LRRN3: variants seen among roughly 807,000 people sequenced by gnomAD.
The protein encoded by LRRN3 is leucine rich repeat neuronal 3, also known as leucine-rich repeat neuronal protein 3.
A neutral mutation model predicts 40.1 loss-of-function variants in LRRN3; 15 were observed. The observed-to-expected ratio is 0.37, with a 90% CI of 0.25 to 0.58. The LOEUF (loss-of-function observed/expected upper bound fraction) is 0.58, where lower values mean the gene tolerates loss of function less well. Ranked by LOEUF, LRRN3 falls within the 20% of genes least tolerant of loss-of-function variation. The probability of loss-of-function intolerance (pLI) is 0.72; values close to 1 mark genes in which losing one functional copy is unlikely to be tolerated. For missense variants in LRRN3, 746 were observed against 837.7 expected (o/e 0.89, Z 1.35); for synonymous variants, 308 against 297.2 (o/e 1.04, Z -0.37).
chr7:111,122,764 A>G lies in LRRN3; in HGVS notation c.-9A>G, dbSNP rs1318353655. 2 of 1,603,678 alleles carry G rather than the reference A, an allele frequency of 1.2e-6. No individual in the cohort carries two copies. Among genetic ancestry groups the G allele is most frequent in the Admixed American group, 3.4e-5 (2 of 58,972 alleles). On this transcript the variant is annotated 5_prime_UTR_variant, in exon 3 of 3. Coordinates refer to ENST00000308478, the MANE Select transcript of LRRN3 (RefSeq NM_001099658.2). Reference sequence around the variant, plus strand: ...AGGGCCCATTACATTTCTGAAGAAGAAAGCTAAGATGAAGGACATGCCACT... The same window carrying G: ...AGGGCCCATTACATTTCTGAAGAAGGAAGCTAAGATGAAGGACATGCCACT...
chr7:111,112,419 T>G (rs1458964655), intron 2 of LRRN3, among the ~76,000 whole-genome samples: 1 of 152,168 alleles, frequency 6.6e-6, no homozygotes, highest in African/African-American at 2.4e-5. Context: ...TATTAACCAT[T>G]TAACACGAGT....
intron 2 of LRRN3, among the ~76,000 whole-genome samples, chr7:111,108,168 A>T (rs1403870260): frequency 6.6e-6 from 1 of 152,272 alleles, no homozygotes; most frequent in South Asian, 2.1e-4. Flanking sequence ...TTGTTGATGT[A>T]TTCCATTTGA....
chr7:111,115,034 T>C (rs1799709056), intron 2 of LRRN3, among the ~76,000 whole-genome samples: 1 of 152,092 alleles, frequency 6.6e-6, no homozygotes, highest in African/African-American at 2.4e-5. Flanking sequence ...ACAAGATGAT[T>C]ATACTTCAAT....
At chr7:111,091,962 C>T (rs556247193) in intron 1 of LRRN3, among the ~76,000 whole-genome samples, 29 of 152,242 alleles carry the variant, frequency 1.9e-4, no homozygotes, top group African/African-American at 6.7e-4. Flanking sequence ...AAGCAGATCA[C>T]ACATTATTCT....
chr7:111,124,817 A>G lies in LRRN3; in HGVS notation c.2045A>G (p.Asn682Ser), dbSNP rs1246337990. Residue 682 changes from asparagine to serine, a missense_variant, in exon 3 of 3, where the codon AAT (asparagine) becomes AGT (serine). By Grantham distance (46) the Asn-to-Ser change is conservative (BLOSUM62 1). Transcript: ENST00000308478. Reference sequence around the variant, plus strand: ...GGTGAGCTTTATCCTCCTCTGATAAATCTCTGGGAAGCAGGAAAAGAAAAA... The same window carrying G: ...GGTGAGCTTTATCCTCCTCTGATAAGTCTCTGGGAAGCAGGAAAAGAAAAA... ...ALGELYPPLI[N>S]LWEAGKEKST... is the part of the protein sequence containing the mutation. The G allele has an allele frequency of 6.2e-7, 1 of 1,613,226 alleles. No individual in the cohort carries two copies. Among genetic ancestry groups the G allele is most frequent in the Admixed American group, 1.7e-5 (1 of 59,932 alleles).
chr7:111,095,520 ACGAT>A (rs1196904809), intron 1 of LRRN3, among the ~76,000 whole-genome samples: 14 of 152,064 alleles, frequency 9.2e-5, no homozygotes, highest in Non-Finnish European at 1.9e-4. Flanking sequence ...AATAGAAGCA[ACGAT>A]TTATTAAGTA....
At chr7:111,111,410 CA>C (rs1478043099) in intron 2 of LRRN3, among the ~76,000 whole-genome samples, 9 of 148,586 alleles carry the variant, frequency 6.1e-5, no homozygotes, top group South Asian at 4.3e-4. Flanking sequence ...CATCCCCCCC[CA>C]AAAAAAAATG....
intron 2 of LRRN3, among the ~76,000 whole-genome samples, chr7:111,112,700 T>C (rs1461662084): frequency 6.6e-6 from 1 of 152,218 alleles, no homozygotes; most frequent in Non-Finnish European, 1.5e-5. Flanking sequence ...GAGGGAAATC[T>C]GACACACTTT....
At chr7:111,110,217 T>C (rs1250848998) in intron 2 of LRRN3, among the ~76,000 whole-genome samples, 2 of 152,192 alleles carry the variant, frequency 1.3e-5, no homozygotes, top group African/African-American at 2.4e-5. Context: ...TGTTCATGGA[T>C]ATTAGACATG....
intron 1 of LRRN3, among the ~76,000 whole-genome samples, chr7:111,099,488 G>A (rs553958713): frequency 8.6e-5 from 13 of 151,772 alleles, no homozygotes; most frequent in African/African-American, 3.1e-4. Flanking sequence ...TTTAGTAGAA[G>A]CGTTCTATAT....
At position 111,124,988 on chromosome 7, in the gene LRRN3, A is replaced by AACAC. The variant is rs1801141947; in HGVS notation, c.*92_*93insCACA. 2 of 946,844 alleles carry AACAC rather than the reference A, an allele frequency of 2.1e-6. No homozygotes were observed. Among genetic ancestry groups the AACAC allele is most frequent in the East Asian group, 5.4e-5 (2 of 37,248 alleles). The allele number at this position is 946,844 out of a possible 1,614,324, so 58.7% of individuals were successfully genotyped here. A position where few individuals can be genotyped will look rare whatever the true frequency, so the allele number is the denominator to read the frequency against. On this transcript the variant is annotated 3_prime_UTR_variant, in exon 3 of 3. Transcript: ENST00000308478. Reference sequence around the variant, plus strand: ...TGCTAAAAACAAAACAAAACAAACAAACAAACAAAAAAGTAAAAAAAGATT... The same window carrying AACAC: ...TGCTAAAAACAAAACAAAACAAACAAACACACAAACAAAAAAGTAAAAAAAGATT...
chr7:111,108,872 TATTC>T (rs1020308466), intron 2 of LRRN3, among the ~76,000 whole-genome samples: 4 of 152,276 alleles, frequency 2.6e-5, no homozygotes, highest in African/African-American at 7.2e-5. Context: ...AAGCAACTGA[TATTC>T]ATTCATTCAT....
intron 2 of LRRN3, among the ~76,000 whole-genome samples, chr7:111,101,790 G>A (rs1202818374): frequency 6.6e-6 from 1 of 151,410 alleles, no homozygotes; most frequent in Non-Finnish European, 1.5e-5. Flanking sequence ...CAGTTAATAT[G>A]TAATAATGTA....
intron 1 of LRRN3, among the ~76,000 whole-genome samples, chr7:111,098,497 T>C (rs1395155926): frequency 1.3e-5 from 2 of 151,804 alleles, no homozygotes; most frequent in African/African-American, 2.4e-5. Context: ...AAACAAATGT[T>C]CTGACATAAA....
intron 2 of LRRN3, among the ~76,000 whole-genome samples, chr7:111,108,349 A>AT (rs1030680475): frequency 1.3e-5 from 2 of 152,166 alleles, no homozygotes; most frequent in African/African-American, 4.8e-5. Flanking sequence ...ACTTTCAATC[A>AT]TTAAGAATAC....
At position 111,124,544 on chromosome 7, in the gene LRRN3, T is replaced by C; in HGVS notation, c.1772T>C (p.Ile591Thr). ...CTGAATCCATCAACTGAGTATAAAATTTGTATTGATATTCCCACCATCTAT... is the reference window on the plus strand; with the variant it reads ...CTGAATCCATCAACTGAGTATAAAACTTGTATTGATATTCCCACCATCTAT... The part of the protein sequence containing the change: ...THLNPSTEYK[I>T]CIDIPTIYQK... Residue 591 changes from isoleucine to threonine, a missense_variant, in exon 3 of 3, where the codon ATT becomes ACT. Coordinates refer to ENST00000308478, the MANE Select transcript of LRRN3 (RefSeq NM_001099658.2). 1.9e-6 allele frequency: 3 copies of C among 1,613,700 alleles called. No homozygotes were observed. The highest frequency in any genetic ancestry group is 2.5e-6 in the Non-Finnish European group (3 of 1,179,806).
rs149649658 is a variant in LRRN3, at chr7:111,124,754, A to G, written c.1982A>G (p.Tyr661Cys). 8.7e-6 allele frequency: 14 copies of G among 1,613,858 alleles called. No individual in the cohort carries two copies. The highest frequency in any genetic ancestry group is 4.0e-5 in the African/African-American group (3 of 74,912). The change falls in exon 3 of 3, where the codon TAT becomes TGT. Residue 661 changes from tyrosine to cysteine, a missense_variant. By Grantham distance (194) the Tyr-to-Cys change is radical. Coordinates refer to ENST00000308478, the MANE Select transcript of LRRN3 (RefSeq NM_001099658.2). Reference sequence around the variant, plus strand: ...ATGAACTGTGATGGTGGACACAGCTATGTGAGGAATTACTTACAGAAACCA... The same window carrying G: ...ATGAACTGTGATGGTGGACACAGCTGTGTGAGGAATTACTTACAGAAACCA... ...PEMNCDGGHS[Y>C]VRNYLQKPTF...
intron 1 of LRRN3, among the ~76,000 whole-genome samples, chr7:111,095,709 T>C (rs906687653): frequency 2.6e-5 from 4 of 152,030 alleles, no homozygotes; most frequent in African/African-American, 7.2e-5. Context: ...GTTTTAAGGT[T>C]TTCCAAGAAT....
intron 1 of LRRN3, among the ~76,000 whole-genome samples, chr7:111,094,020 A>G (rs1797141531): frequency 6.6e-6 from 1 of 152,152 alleles, no homozygotes; most frequent in South Asian, 2.1e-4. Context: ...TTAGTGACCT[A>G]CAAAAAAGGT....
Sources: gnomAD v4.1 joint callset for allele counts (sites outside exome capture counted in the v4.1 genomes callset) on GRCh38, gnomAD v4.1.1 for gene constraint, MANE v1.5 for transcripts, NCBI Gene and HGNC (gene_info 2026-07-23, HGNC 2026-07-21) for gene names.